MALRD1: variants seen among roughly 807,000 people sequenced by gnomAD.
The protein encoded by MALRD1 is MAM and LDL receptor class A domain containing 1.
In MALRD1, 247 loss-of-function variants were observed where a neutral mutation model predicts 242.1. The observed-to-expected ratio is 1.02, with a 90% confidence interval of 0.92 to 1.13. MALRD1 has a LOEUF of 1.13. MALRD1 is among the 50% of genes most tolerant of loss of function. The probability of loss-of-function intolerance (pLI) is 0.00; values close to 1 mark genes in which losing one functional copy is unlikely to be tolerated. For synonymous variants in MALRD1, 995 were observed against 866.6 expected, an observed-to-expected ratio of 1.15 and a Z score of -2.60; for missense variants, 2,989 against 2,533.1, an observed-to-expected ratio of 1.18 and a Z score of -3.86.
chr10:19,693,220 G>A (rs1340838301), intron 38 of MALRD1, among the ~76,000 whole-genome samples: 4 of 151,868 alleles, frequency 2.6e-5, no homozygotes, highest in South Asian at 4.2e-4. Flanking sequence ...GGAAGTTCTG[G>A]CCAGGGCAAT....
chr10:19,232,502 C>G (rs749733990), intron 18 of MALRD1, among the ~76,000 whole-genome samples: 1 of 151,858 alleles, frequency 6.6e-6, no homozygotes, highest in Admixed American at 6.6e-5. Context: ...TAACTACTAA[C>G]CTAAATTATT....
chr10:19,500,483 C>T (rs1266748068), intron 31 of MALRD1, among the ~76,000 whole-genome samples: 3 of 152,150 alleles, frequency 2.0e-5, no homozygotes, highest in Non-Finnish European at 4.4e-5. Context: ...ATATCATATA[C>T]AGCAATACAA....
At chr10:19,348,961 TCCCTTCCCTTC>T (rs1412323226) in intron 25 of MALRD1, among the ~76,000 whole-genome samples, 2 of 152,148 alleles carry the variant, frequency 1.3e-5, no homozygotes, top group Non-Finnish European at 2.9e-5. Flanking sequence ...GAAACTTTCT[TCCCTTCCCTTC>T]CCCTTCCCTT....
chr10:19,239,997 A>C (rs1838685950), intron 18 of MALRD1, among the ~76,000 whole-genome samples: 2 of 152,068 alleles, frequency 1.3e-5, no homozygotes, highest in Admixed American at 6.6e-5. Flanking sequence ...TTCTGGTTTC[A>C]TACAAATTGT....
At chr10:19,530,418 A>ATATATATAAATATTTAT (rs1200557957) in intron 31 of MALRD1, among the ~76,000 whole-genome samples, 1 of 83,770 alleles carries the variant, frequency 1.2e-5, no homozygotes, top group Non-Finnish European at 2.1e-5. Flanking sequence ...TTTATATAAT[A>ATATATATAAATATTTAT]ATAAATATAT....
intron 4 of MALRD1, among the ~76,000 whole-genome samples, chr10:19,099,953 G>C (rs1299946497): frequency 2.6e-5 from 4 of 151,942 alleles, no homozygotes; most frequent in Non-Finnish European, 4.4e-5. Context: ...TTGAGATGGG[G>C]TTTCGCCATG....
chr10:19,674,350 C>G (rs1226720760), intron 36 of MALRD1, among the ~76,000 whole-genome samples: 2 of 152,254 alleles, frequency 1.3e-5, no homozygotes, highest in African/African-American at 4.8e-5. Flanking sequence ...AGAGTTTACA[C>G]TTTTTATCTC....
chr10:19,491,781 A>G, intron 30 of MALRD1, 136 bp downstream of exon 30: 1 of 907,524 alleles, frequency 1.1e-6, no homozygotes, highest in Non-Finnish European at 1.6e-6. Flanking sequence ...TAGCCCAAAT[A>G]TTTCCCCAAA....
At chr10:19,081,251 A>G (rs1835480838) in intron 2 of MALRD1, among the ~76,000 whole-genome samples, 1 of 152,178 alleles carries the variant, frequency 6.6e-6, no homozygotes, top group Non-Finnish European at 1.5e-5. Flanking sequence ...TGATTCAGCA[A>G]TCCCATTACT....
chr10:19,702,694 A>G (rs993032710), intron 38 of MALRD1, among the ~76,000 whole-genome samples: 2 of 152,212 alleles, frequency 1.3e-5, no homozygotes, highest in African/African-American at 2.4e-5. Context: ...GCATGAAATC[A>G]TTTAAGCCCT....
At chr10:19,701,058 T>C (rs1275998975) in intron 38 of MALRD1, among the ~76,000 whole-genome samples, 1 of 152,032 alleles carries the variant, frequency 6.6e-6, no homozygotes, top group African/African-American at 2.4e-5. Flanking sequence ...CAGAGTTGAG[T>C]GGATTGCTTG....
Position 19,088,029 on chromosome 10 carries a change from A to C in MALRD1, c.441A>C (p.Thr147=). Residue 147 remains threonine (T), a synonymous_variant, in exon 4 of 40, where the codon ACA becomes ACC. Coordinates refer to ENST00000454679, the MANE Select transcript of MALRD1 (RefSeq NM_001142308.3). ...PTNDQHDCQI[T]FYYFSCQVSG... ...GTACTAATTGTCTTTCACAGATTAC[A>C]TTTTATTACTTCTCCTGCCAAGTGA... is the stretch of plus-strand genomic sequence containing the variant. 8.1e-7 allele frequency: 1 copy of C among 1,233,476 alleles called. No individual in the cohort carries two copies. Among genetic ancestry groups the C allele is most frequent in the African/African-American group, 1.5e-5 (1 of 64,566 alleles). The allele number at this position is 1,233,476 out of a possible 1,614,324, so 76.4% of individuals were successfully genotyped here.
At chr10:19,441,628 G>T (rs1430281291) in intron 28 of MALRD1, among the ~76,000 whole-genome samples, 5 of 152,302 alleles carry the variant, frequency 3.3e-5, no homozygotes, top group Middle Eastern at 3.4e-3. Context: ...GTTTGTCAAA[G>T]ATCAGATGGT....
In MALRD1 at chr10:19,220,365, A is replaced by G. The variant is rs77664550; in HGVS notation, c.2991+10685A>G. 0.015 allele frequency among the ~76,000 whole-genome samples: 2,350 copies of G among 152,252 alleles called. 104 individuals are homozygous for G. In the East Asian group the frequency reaches 0.18, roughly 12 times the overall value. ...ATGAGAGAGAGAGAATGCACACTTTATTGCACTATTAAAGCAAAATTCTGA... is the reference window on the plus strand; with the variant it reads ...ATGAGAGAGAGAGAATGCACACTTTGTTGCACTATTAAAGCAAAATTCTGA... On this transcript the variant is annotated intron_variant, in intron 18 of 39. Transcript: ENST00000454679.
At chr10:19,392,450 C>A (rs1846380885) in intron 28 of MALRD1, among the ~76,000 whole-genome samples, 1 of 152,024 alleles carries the variant, frequency 6.6e-6, no homozygotes, top group Non-Finnish European at 1.5e-5. Flanking sequence ...TAGAAAAAAA[C>A]AAAATGAATC....
intron 11 of MALRD1, among the ~76,000 whole-genome samples, chr10:19,153,509 A>G (rs2131461923): frequency 6.6e-6 from 1 of 152,086 alleles, no homozygotes; most frequent in South Asian, 2.1e-4. Context: ...TGAGGCCAGG[A>G]GTTTGAGACT....
chr10:19,275,454 G>A (rs1840464442), intron 19 of MALRD1, among the ~76,000 whole-genome samples: 1 of 152,104 alleles, frequency 6.6e-6, no homozygotes, highest in African/African-American at 2.4e-5. Context: ...AGATCACGAG[G>A]TCAGGAGATC....
At chr10:19,697,778 C>G (rs1328425437) in intron 38 of MALRD1, among the ~76,000 whole-genome samples, 2 of 152,142 alleles carry the variant, frequency 1.3e-5, no homozygotes, top group African/African-American at 4.8e-5. Context: ...GTTCCTTTCT[C>G]TTTGCTTCTT....
chr10:19,372,201 A>G (rs750820063), intron 26 of MALRD1, among the ~76,000 whole-genome samples: 12 of 152,224 alleles, frequency 7.9e-5, no homozygotes, highest in Non-Finnish European at 1.6e-4. Context: ...TTATAGTAAT[A>G]TGAACAATGG....
Sources: allele counts gnomAD v4.1 joint callset (sites outside exome capture counted in the v4.1 genomes callset), GRCh38; gene constraint gnomAD v4.1.1; transcripts MANE v1.5; gene names NCBI Gene and HGNC (gene_info 2026-07-23, HGNC 2026-07-21).